CA10: variants seen among roughly 807,000 people sequenced by gnomAD.
CA10 encodes carbonic anhydrase-related protein 10.
A neutral mutation model predicts 44.2 loss-of-function variants in CA10; 14 were observed. That is an observed-to-expected ratio of 0.32 (90% CI 0.21 to 0.50). The LOEUF (loss-of-function observed/expected upper bound fraction) is 0.50, where lower values mean the gene tolerates loss of function less well. Among genes scored for constraint, CA10 ranks in the 20% least tolerant of loss-of-function variants. CA10 has a pLI of 0.99. For missense variants in CA10, 350 were observed against 409.7 expected, an observed-to-expected ratio of 0.85 and a Z score of 1.26; for synonymous variants, 159 against 141.6, an observed-to-expected ratio of 1.12 and a Z score of -0.87.
intron 4 of CA10, among the ~76,000 whole-genome samples, chr17:51,723,594 A>G (rs1392723890): frequency 6.6e-6 from 1 of 152,020 alleles, no homozygotes; most frequent in Non-Finnish European, 1.5e-5. Flanking sequence ...AATGACATAC[A>G]TATGGTCTCT....
At chr17:51,875,383 G>A (rs1022940810) in intron 3 of CA10, among the ~76,000 whole-genome samples, 2 of 152,104 alleles carry the variant, frequency 1.3e-5, no homozygotes, top group Admixed American at 6.5e-5. Flanking sequence ...TTATTAGAAG[G>A]TTACCAAGTC....
chr17:51,971,587 A>T (rs1327497790), intron 2 of CA10, among the ~76,000 whole-genome samples: 1 of 113,412 alleles, frequency 8.8e-6, no homozygotes, highest in East Asian at 2.9e-4. Context: ...ATTTCAGATA[A>T]CATTAATGTA....
intron 3 of CA10, among the ~76,000 whole-genome samples, chr17:51,790,573 C>T (rs564232809): frequency 1.3e-5 from 2 of 152,284 alleles, no homozygotes; most frequent in African/African-American, 4.8e-5. Flanking sequence ...AATTTATTTG[C>T]CTGCAAATGC....
At chr17:51,806,743 A>G (rs1907154428) in intron 3 of CA10, among the ~76,000 whole-genome samples, 1 of 152,248 alleles carries the variant, frequency 6.6e-6, no homozygotes, top group Non-Finnish European at 1.5e-5. Flanking sequence ...TGTTGCATAC[A>G]TGAATCTACC....
intron 4 of CA10, among the ~76,000 whole-genome samples, chr17:51,743,173 GA>G (rs1252729397): frequency 6.6e-6 from 1 of 152,318 alleles, no homozygotes. Context: ...CCCTTGAAAA[GA>G]AGAACTTAAG....
At chr17:51,748,484 G>T in intron 3 of CA10, 1 of 985,398 alleles carries the variant, frequency 1.0e-6, no homozygotes, top group Non-Finnish European at 1.2e-6. Context: ...ATGACTGCTT[G>T]GCATTCCTTT....
chr17:52,119,532 AGAG>A, intron 1 of CA10, among the ~76,000 whole-genome samples: 1 of 152,148 alleles, frequency 6.6e-6, no homozygotes, highest in East Asian at 1.9e-4. Flanking sequence ...CCTCAAGAAG[AGAG>A]GAGTTTATGC....
At chr17:51,868,519 A>T (rs147030989) in intron 3 of CA10, among the ~76,000 whole-genome samples, 1,678 of 151,948 alleles carry the variant, frequency 0.011, 11 homozygotes, top group Non-Finnish European at 0.016. Flanking sequence ...TACACTACCA[A>T]CCCTGCCCAA....
At chr17:52,009,988 C>G (rs1448822734) in intron 2 of CA10, among the ~76,000 whole-genome samples, 1 of 151,898 alleles carries the variant, frequency 6.6e-6, no homozygotes, top group Non-Finnish European at 1.5e-5. Flanking sequence ...GGCCAAGAAG[C>G]ATATGGAAAA....
intron 4 of CA10, among the ~76,000 whole-genome samples, chr17:51,654,835 T>C (rs900025865): frequency 2.6e-5 from 4 of 152,044 alleles, no homozygotes; most frequent in African/African-American, 4.8e-5. Flanking sequence ...GGATTACAGG[T>C]GTGAGCCACT....
At chr17:52,023,472 T>A (rs1291607813) in intron 2 of CA10, among the ~76,000 whole-genome samples, 1 of 152,148 alleles carries the variant, frequency 6.6e-6, no homozygotes, top group East Asian at 1.9e-4. Flanking sequence ...AAACTCAAGA[T>A]GGATTAAAGA....
intron 3 of CA10, among the ~76,000 whole-genome samples, chr17:51,927,739 TTAAAACAG>T (rs1982489651): frequency 6.6e-6 from 1 of 152,190 alleles, no homozygotes; most frequent in Non-Finnish European, 1.5e-5. Context: ...GTCTCAATCT[TTAAAACAG>T]TCAGTGAGGC....
chr17:52,014,122 T>G (rs1985894385), intron 2 of CA10, among the ~76,000 whole-genome samples: 1 of 151,840 alleles, frequency 6.6e-6, no homozygotes, highest in Admixed American at 6.6e-5. Context: ...AGGTACCATT[T>G]AAAAATAACC....
chr17:52,158,069 C>A lies in CA10; in HGVS notation c.-283G>T, dbSNP rs187408192. The A allele has an allele frequency of 9.5e-4, 509 of 534,056 alleles. 3 individuals carry two copies. Among genetic ancestry groups the A allele is most frequent in the Non-Finnish European group, 9.2e-4 (275 of 298,868 alleles). 33.1% of individuals were successfully genotyped at this position (534,056 alleles called of 1,614,324 possible). Reference sequence around the variant, plus strand: ...AGGTCTCCCCGCTCGCGTGTCTCTTCTCTTCGCACCAGCGGCGGAAACCGC... The same window carrying A: ...AGGTCTCCCCGCTCGCGTGTCTCTTATCTTCGCACCAGCGGCGGAAACCGC... On this transcript the variant is annotated 5_prime_UTR_variant, in exon 1 of 9. It introduces an in-frame stop codon into an upstream open reading frame of the 5' UTR. Coordinates refer to ENST00000451037, the MANE Select transcript of CA10 (RefSeq NM_020178.5).
intron 2 of CA10, among the ~76,000 whole-genome samples, chr17:52,001,089 G>T: frequency 2.8e-5 from 1 of 35,800 alleles, no homozygotes; most frequent in East Asian, 3.1e-4. Context: ...CTTAGTCTAC[G>T]AAGACCTGGT....
intron 2 of CA10, among the ~76,000 whole-genome samples, chr17:52,067,951 T>C (rs1987579699): frequency 6.6e-6 from 1 of 152,226 alleles, no homozygotes; most frequent in Non-Finnish European, 1.5e-5. Context: ...GGGCTGGCCT[T>C]GTCTTAGATG....
intron 3 of CA10, among the ~76,000 whole-genome samples, chr17:51,846,753 G>A (rs1403726919): frequency 6.6e-6 from 1 of 152,216 alleles, no homozygotes; most frequent in East Asian, 1.9e-4. Flanking sequence ...CAAGTCTAAT[G>A]CTGTCGCGCT....
chr17:51,633,460 G>A lies in CA10; in HGVS notation c.964+16C>T, dbSNP rs762589663. ...CTCTAGCCTAGATCCTCCACTCTCT[G>A]AGCCACCAAACCCACCTCTATACTG... On this transcript the variant is annotated intron_variant, in intron 8 of 8. Coordinates refer to ENST00000451037, the MANE Select transcript of CA10 (RefSeq NM_020178.5). 6.2e-7 allele frequency: 1 copy of A among 1,607,262 alleles called. No homozygotes were observed. Among genetic ancestry groups the A allele is most frequent in the Non-Finnish European group, 8.5e-7 (1 of 1,175,892 alleles).
At chr17:51,647,370 AGGTTTT>A (rs980361473) in intron 6 of CA10, among the ~76,000 whole-genome samples, 12 of 152,140 alleles carry the variant, frequency 7.9e-5, no homozygotes, top group African/African-American at 2.9e-4. Flanking sequence ...AGTGCTCTCC[AGGTTTT>A]GTGCATGTGG....
Sources: allele counts gnomAD v4.1 joint callset (sites outside exome capture counted in the v4.1 genomes callset), GRCh38; gene constraint gnomAD v4.1.1; transcripts MANE v1.5; gene names NCBI Gene and HGNC (gene_info 2026-07-23, HGNC 2026-07-21).